CLIC5: variants seen among roughly 807,000 people sequenced by gnomAD.
CLIC5 encodes CLIC family member 5, also known as chloride intracellular channel protein 5.
Under a neutral mutation model 24.7 loss-of-function variants are expected in CLIC5, and 20 were observed. The ratio of observed to expected loss-of-function variants is 0.81; its 90% CI spans 0.57 to 1.18. CLIC5 has a LOEUF of 1.18. CLIC5 is among the 50% of genes most tolerant of loss of function. The pLI is 0.00. For synonymous variants in CLIC5, 159 were observed against 135.6 expected (o/e 1.17, Z -1.20); for missense variants, 341 against 326.1 (o/e 1.05, Z -0.35).
chr6:45,928,966 C>A (rs1317804747), intron 4 of CLIC5, among the ~76,000 whole-genome samples: 1 of 152,176 alleles, frequency 6.6e-6, no homozygotes. Context: ...TGATCTGCAT[C>A]CAGGCCAGGC....
intron 1 of CLIC5, 30 bp downstream of exon 1, chr6:46,015,450 G>A: frequency 2.7e-6 from 4 of 1,471,212 alleles, no homozygotes; most frequent in East Asian, 2.8e-5. Flanking sequence ...AGGCGCGGCA[G>A]GTGCGGCGGG....
At chr6:46,083,032 G>T (rs1434885063), upstream of CLIC5, among the ~76,000 whole-genome samples, 3 of 152,160 alleles carry the variant, frequency 2.0e-5, no homozygotes, top group Admixed American at 2.0e-4. Flanking sequence ...TTTTAAGATT[G>T]CTGACATATT....
chr6:45,924,417 G>A (rs3777559), intron 4 of CLIC5, among the ~76,000 whole-genome samples: 42,896 of 152,100 alleles, frequency 0.28, 6,472 homozygotes, highest in East Asian at 0.47. Flanking sequence ...ATACCCTAAT[G>A]TGCCCCAGCA....
the CLIC5 span, among the ~76,000 whole-genome samples, chr6:46,114,398 A>C: frequency 2.7e-4 from 41 of 152,336 alleles, no homozygotes; most frequent in African/African-American, 9.6e-4. Flanking sequence ...ATGGGATAGC[A>C]GTCAAACCTA....
intron 1 of CLIC5, among the ~76,000 whole-genome samples, chr6:46,001,264 G>A (rs1766346852): frequency 6.6e-6 from 1 of 152,146 alleles, no homozygotes; most frequent in African/African-American, 2.4e-5. Context: ...TTGACTGGGT[G>A]GAGAGCCTGG....
chr6:46,115,036 A>G, the CLIC5 span, among the ~76,000 whole-genome samples: 2 of 152,212 alleles, frequency 1.3e-5, no homozygotes, highest in Admixed American at 1.3e-4. Flanking sequence ...AGGGGATTTG[A>G]GTAGTAGCTT....
downstream of CLIC5, among the ~76,000 whole-genome samples, chr6:45,895,426 T>G (rs1345650855): frequency 6.6e-6 from 1 of 152,172 alleles, no homozygotes; most frequent in East Asian, 1.9e-4. Context: ...ACACACTGTT[T>G]TAGAAGGATT....
At chr6:46,057,651 G>C (rs1768296632) in intron 1 of CLIC5, among the ~76,000 whole-genome samples, 1 of 152,194 alleles carries the variant, frequency 6.6e-6, no homozygotes, top group South Asian at 2.1e-4. Flanking sequence ...TTTCACAGCA[G>C]GGTGCCAATT....
At chr6:45,996,061 C>T (rs903733259) in intron 1 of CLIC5, among the ~76,000 whole-genome samples, 1 of 151,546 alleles carries the variant, frequency 6.6e-6, no homozygotes, top group Non-Finnish European at 1.5e-5. Context: ...CAGCAAACCA[C>T]CATGGCACAT....
chr6:45,945,211 A>T (rs997589488), intron 3 of CLIC5, among the ~76,000 whole-genome samples: 1 of 152,228 alleles, frequency 6.6e-6, no homozygotes, highest in Non-Finnish European at 1.5e-5. Context: ...ATCAGGCTCT[A>T]GGCTCATTAG....
chr6:45,935,207 G>T (rs1763885709), intron 4 of CLIC5, among the ~76,000 whole-genome samples: 1 of 152,214 alleles, frequency 6.6e-6, no homozygotes, highest in African/African-American at 2.4e-5. Context: ...GACAGAGAGT[G>T]GGGGACATGT....
At chr6:46,064,472 C>T (rs1157841426) in intron 1 of CLIC5, among the ~76,000 whole-genome samples, 2 of 152,020 alleles carry the variant, frequency 1.3e-5, no homozygotes, top group African/African-American at 2.4e-5. Context: ...GACAAATACA[C>T]CTGAATATTT....
chr6:45,927,932 T>A (rs1307077567), intron 4 of CLIC5, among the ~76,000 whole-genome samples: 1 of 152,146 alleles, frequency 6.6e-6, no homozygotes, highest in Non-Finnish European at 1.5e-5. Flanking sequence ...CCCCACGGGA[T>A]TCAAATGTAT....
the CLIC5 span, among the ~76,000 whole-genome samples, chr6:46,129,291 T>C: frequency 6.6e-6 from 1 of 152,348 alleles, no homozygotes; most frequent in South Asian, 2.1e-4. Context: ...ACAACCCAAC[T>C]GTTAGCGAAT....
intron 1 of CLIC5, among the ~76,000 whole-genome samples, chr6:46,024,587 A>G (rs971255376): frequency 6.6e-6 from 1 of 152,200 alleles, no homozygotes; most frequent in African/African-American, 2.4e-5. Context: ...TCTGACTTGG[A>G]TGTCTCAGTG....
chr6:45,972,197 T>G (rs1455531476), intron 1 of CLIC5, among the ~76,000 whole-genome samples: 1 of 152,214 alleles, frequency 6.6e-6, no homozygotes, highest in Non-Finnish European at 1.5e-5. Flanking sequence ...ATGTGTTTTC[T>G]CTCTATCTTT....
At chr6:45,936,282 G>A (rs1046815931) in intron 4 of CLIC5, among the ~76,000 whole-genome samples, 1 of 139,006 alleles carries the variant, frequency 7.2e-6, no homozygotes, top group South Asian at 2.3e-4. Context: ...TCGGCTCACT[G>A]CAACCTCCGC....
chr6:46,057,673 G>A (rs1581907131), intron 1 of CLIC5, among the ~76,000 whole-genome samples: 2 of 152,280 alleles, frequency 1.3e-5, no homozygotes, highest in East Asian at 3.9e-4. Flanking sequence ...GATTTCAAGC[G>A]ACAGCCCTGC....
At chr6:46,005,835 C>A (rs12197333) in intron 1 of CLIC5, among the ~76,000 whole-genome samples, 7 of 151,198 alleles carry the variant, frequency 4.6e-5, no homozygotes, top group Admixed American at 3.3e-4. Context: ...CATTGTGGCC[C>A]TCACCAGACA....
Sources: gnomAD v4.1 joint callset for allele counts (sites outside exome capture counted in the v4.1 genomes callset) on GRCh38, gnomAD v4.1.1 for gene constraint, MANE v1.5 for transcripts, NCBI Gene and HGNC (gene_info 2026-07-23, HGNC 2026-07-21) for gene names.